AHRR: variants seen among roughly 807,000 people sequenced by gnomAD.
AHRR encodes the protein aryl hydrocarbon receptor repressor.
AHRR carries 28 observed loss-of-function variants against 44.0 expected under a neutral mutation model. The ratio of observed to expected loss-of-function variants is 0.64; its 90% CI spans 0.47 to 0.87. The LOEUF is 0.87. Ranked by LOEUF, AHRR falls within the 40% of genes least tolerant of loss-of-function variation. The pLI, the probability that AHRR is intolerant of heterozygous loss-of-function variation, is 0.00. For synonymous variants in AHRR, 434 were observed against 407.0 expected (o/e 1.07, Z -0.80); for missense variants, 990 against 953.9 (o/e 1.04, Z -0.50).
chr5:352,057 C>T lies in AHRR; in HGVS notation c.63-1673C>T, dbSNP rs184397645. On this transcript the variant is annotated intron_variant, in intron 2 of 10. Transcript: ENST00000684583. ...TTCCTGTGGTCCTGCCAGTAACTGG[C>T]CCCTGCTCAGTCTCCCCATGCATTC... Among the ~76,000 whole-genome samples the T allele has an allele frequency of 7.2e-5, 11 of 152,390 alleles. No individual in the cohort carries two copies. The East Asian group carries it at 2.1e-3, about 29-fold the overall frequency.
intron 5 of AHRR, among the ~76,000 whole-genome samples, chr5:415,667 A>AGGCCTAGGGGCGGAG (rs1735761522): frequency 1.6e-5 from 1 of 63,718 alleles, no homozygotes. Context: ...TAGGGGCCGA[A>AGGCCTAGGGGCGGAG]TCTGCCTGGT....
At position 321,781 on chromosome 5, in the gene AHRR, C is replaced by T. The variant is rs1367629388; in HGVS notation, c.-49C>T. ...AGCTCCTGGCCAGGGCGCGCTGCCC[C>T]GCGGGTGTGCCTGAGCCTCCGCGCC... On this transcript the variant is annotated 5_prime_UTR_variant, in exon 1 of 11. Coordinates refer to ENST00000684583, the MANE Select transcript of AHRR (RefSeq NM_001377236.1). The surrounding 1 kb of genome is among the most constrained non-coding windows in gnomAD (Gnocchi z 8.3). 2 of 151,658 alleles carry T rather than the reference C, an allele frequency of 1.3e-5. No individual in the cohort carries two copies. The highest frequency in any genetic ancestry group is 2.9e-5 in the Non-Finnish European group (2 of 67,924). The allele number at this position is 151,658 out of a possible 1,614,324, so 9.4% of individuals were successfully genotyped here.
At chr5:343,745 G>GGGTC (rs1428374295) in intron 1 of AHRR, 148 bp from the exon 2 acceptor site, 4 of 727,778 alleles carry the variant, frequency 5.5e-6, no homozygotes, top group Non-Finnish European at 8.6e-6. Flanking sequence ...CCGGGCCAGG[G>GGGTC]GGTCCCACGA....
At position 376,644 on chromosome 5, in the gene AHRR, C is replaced by T. The variant is rs367921340; in HGVS notation, c.279C>T (p.Ala93=). The T allele has an allele frequency of 7.9e-5, 90 of 1,144,696 alleles. No homozygotes were observed. Among genetic ancestry groups the T allele is most frequent in the African/African-American group, 9.5e-5 (4 of 42,184 alleles). The allele number at this position is 1,144,696 out of a possible 1,614,324, so 70.9% of individuals were successfully genotyped here. The change falls in exon 4 of 11, where the codon GCC becomes GCT. Residue 93 remains alanine, a synonymous_variant. Coordinates refer to ENST00000684583, the MANE Select transcript of AHRR (RefSeq NM_001377236.1). The part of the protein sequence containing the change: ...VQEQSSRQPA[A]GAPSPGDSCP... ...AGCAGAGCTCACGGCAGCCTGCGGC[C>T]GGCGCCCCCTCGCCCGGAGACAGCT...
Position 340,241 on chromosome 5 carries a change from C to G in AHRR, c.-10-3652C>G, listed in dbSNP as rs111502859. ...TTTCTTGAGTTTTGATAGATTGTGC[C>G]TTTCTAGGAATTCCTCTATTTCATC... On this transcript the variant is annotated intron_variant, in intron 1 of 10. Coordinates refer to ENST00000684583, the MANE Select transcript of AHRR (RefSeq NM_001377236.1). 1.7e-3 allele frequency among the ~76,000 whole-genome samples: 258 copies of G among 152,112 alleles called. 3 individuals are homozygous for G. Among genetic ancestry groups the G allele is most frequent in the African/African-American group, 5.8e-3 (241 of 41,472 alleles).
In AHRR at chr5:408,290, T is replaced by C. The variant is rs114190972; in HGVS notation, c.352-5054T>C. Among the ~76,000 whole-genome samples, 706 of 152,342 alleles carry C rather than the reference T, an allele frequency of 4.6e-3. 7 individuals are homozygous for C. The highest frequency in any genetic ancestry group is 0.015 in the African/African-American group (624 of 41,568). On this transcript the variant is annotated intron_variant, in intron 4 of 10. Transcript: ENST00000684583. The stretch of plus-strand genomic sequence containing the variant: ...GATCTTACTGGAAACACCTTGAGTG[T>C]TTCCCTATGAAGTCGCTGCCTTAGG...
intron 5 of AHRR, chr5:420,999 C>T (rs1270028636): frequency 8.5e-6 from 4 of 470,498 alleles, no homozygotes; most frequent in South Asian, 2.3e-5. Context: ...GATGGTTCTT[C>T]TTATGGTTCA....
intron 1 of AHRR, among the ~76,000 whole-genome samples, chr5:327,121 T>G (rs1469652471): frequency 1.3e-5 from 2 of 152,174 alleles, no homozygotes; most frequent in African/African-American, 2.4e-5. Context: ...GAATTATGGA[T>G]TTTTGTTTAC....
rs4987099 is a variant in AHRR, at chr5:422,914, A to G, written c.571+56A>G. 11,307 of 1,541,940 alleles carry G rather than the reference A, an allele frequency of 7.3e-3. 47 individuals carry two copies. The highest frequency in any genetic ancestry group is 8.9e-3 in the Non-Finnish European group (10,173 of 1,144,550). ...AAACCTAAAGCAGGTCCCATAACAC[A>G]TCGCTGCCTCTGGAAATGACCCTGT... On this transcript the variant is annotated intron_variant, in intron 6 of 10. Coordinates refer to ENST00000684583, the MANE Select transcript of AHRR (RefSeq NM_001377236.1).
intron 1 of AHRR, among the ~76,000 whole-genome samples, chr5:327,585 T>C (rs911694615): frequency 1.6e-4 from 24 of 152,358 alleles, no homozygotes; most frequent in African/African-American, 4.8e-4. Context: ...TAATATTCAA[T>C]TGTGTATATA....
At position 353,791 on chromosome 5, in the gene AHRR, G is replaced by A. The variant is rs747569264; in HGVS notation, c.124G>A (p.Ala42Thr). The A allele has an allele frequency of 9.9e-6, 16 of 1,613,598 alleles. No homozygotes were observed. Among genetic ancestry groups the A allele is most frequent in the South Asian group, 3.3e-5 (3 of 91,068 alleles). ...CAAGCGACACCGGGACCGCCTCAAC[G>A]CCGAGTTGGACCACCTGGCCAGCCT... is the stretch of plus-strand genomic sequence containing the variant. ...PSKRHRDRLNAELDHLASLLP... is the reference protein window; with the variant it reads ...PSKRHRDRLNTELDHLASLLP... Residue 42 changes from alanine (A) to threonine (T), a missense_variant, in exon 3 of 11, where the codon GCC (alanine) becomes ACC (threonine). Coordinates refer to ENST00000684583, the MANE Select transcript of AHRR (RefSeq NM_001377236.1).
chr5:400,807 T>A (rs1734984973), intron 4 of AHRR, among the ~76,000 whole-genome samples: 1 of 152,234 alleles, frequency 6.6e-6, no homozygotes, highest in African/African-American at 2.4e-5. Context: ...TCTCATAAAA[T>A]CTTTTTTAAG....
intron 4 of AHRR, among the ~76,000 whole-genome samples, chr5:396,565 G>C (rs115374955): frequency 6.6e-6 from 1 of 152,130 alleles, no homozygotes; most frequent in Non-Finnish European, 1.5e-5. Flanking sequence ...CCGCTTCTTC[G>C]GCCTTTCTGC....
chr5:349,579 C>CA (rs35232794), intron 2 of AHRR, among the ~76,000 whole-genome samples: 13,458 of 129,404 alleles, frequency 0.1, 2,080 homozygotes, highest in African/African-American at 0.36. Context: ...GACTCCGTCT[C>CA]AAAAAAAAAA....
chr5:384,743 G>T (rs190419938), intron 4 of AHRR, among the ~76,000 whole-genome samples: 1 of 152,232 alleles, frequency 6.6e-6, no homozygotes, highest in Non-Finnish European at 1.5e-5. Context: ...ATATTTTAAA[G>T]AACTTGAGTT....
In AHRR at chr5:432,910, G is replaced by A. The variant is rs1377555183; in HGVS notation, c.1075G>A (p.Gly359Ser). 1 of 1,612,920 alleles carries A rather than the reference G, an allele frequency of 6.2e-7. No homozygotes were observed. Among genetic ancestry groups the A allele is most frequent in the Non-Finnish European group, 8.5e-7 (1 of 1,179,760 alleles). ...ARAPCLCLRG[G>S]PDLVLDPKGG... ...GGCCCCATGCCTGTGCCTCCGGGGTGGCCCTGACCTTGTCCTTGACCCCAA... is the reference window on the plus strand; with the variant it reads ...GGCCCCATGCCTGTGCCTCCGGGGTAGCCCTGACCTTGTCCTTGACCCCAA... The change falls in exon 10 of 11, where the codon GGC (glycine) becomes AGC (serine). Residue 359 changes from glycine (G) to serine (S), a missense_variant. Physicochemically the swap from Gly to Ser is moderately conservative, Grantham distance 56. Transcript: ENST00000684583.
At chr5:343,305 C>A (rs1445429473) in intron 1 of AHRR, among the ~76,000 whole-genome samples, 1 of 134,974 alleles carries the variant, frequency 7.4e-6, no homozygotes, top group African/African-American at 2.6e-5. Flanking sequence ...GAACACAGAA[C>A]CCCACATACC....
rs1021841941 is a variant in AHRR, at chr5:406,554, A to T, written c.352-6790A>T. Among the ~76,000 whole-genome samples, 5 of 152,224 alleles carry T rather than the reference A, an allele frequency of 3.3e-5. No individual in the cohort carries two copies. Among genetic ancestry groups the T allele is most frequent in the African/African-American group, 1.2e-4 (5 of 41,458 alleles). On this transcript the variant is annotated intron_variant, in intron 4 of 10. Transcript: ENST00000684583. The surrounding 1 kb of genome is among the most constrained non-coding windows in gnomAD (Gnocchi z 4.7). ...ATTTCAGGAAAACGTTAAGAAACAGAAAATACTCAAGCTGGTTAGGCTATT... is the reference window on the plus strand; with the variant it reads ...ATTTCAGGAAAACGTTAAGAAACAGTAAATACTCAAGCTGGTTAGGCTATT...
chr5:434,536 G>A lies in AHRR; in HGVS notation c.1796G>A (p.Arg599Lys). 3 of 1,610,162 alleles carry A rather than the reference G, an allele frequency of 1.9e-6. No individual in the cohort carries two copies. Among genetic ancestry groups the A allele is most frequent in the Non-Finnish European group, 2.5e-6 (3 of 1,178,830 alleles). ...HGVRGAQPHG[R>K]ATAGRSRELT... Reference sequence around the variant, plus strand: ...GTGCGGGGGGCTCAGCCCCATGGGAGGGCCACTGCTGGGCGCAGCAGGGAG... The same window carrying A: ...GTGCGGGGGGCTCAGCCCCATGGGAAGGCCACTGCTGGGCGCAGCAGGGAG... The change falls in exon 11 of 11, where the codon AGG becomes AAG. Residue 599 changes from arginine (R) to lysine (K), a missense_variant. Transcript: ENST00000684583.
Sources: allele counts gnomAD v4.1 joint callset (sites outside exome capture counted in the v4.1 genomes callset), GRCh38; gene constraint gnomAD v4.1.1; non-coding constraint Gnocchi (gnomAD v3.1); transcripts MANE v1.5; gene names NCBI Gene and HGNC (gene_info 2026-07-23, HGNC 2026-07-21).